KIAA1549: variants seen among roughly 807,000 people sequenced by gnomAD.
The protein encoded by KIAA1549 is KIAA1549, also known as UPF0606 protein KIAA1549.
Under a neutral mutation model 156.4 loss-of-function variants are expected in KIAA1549, and 70 were observed. The ratio of observed to expected loss-of-function variants is 0.45; its 90% confidence interval spans 0.37 to 0.55. The LOEUF is 0.55. Ranked by LOEUF, KIAA1549 falls within the 20% of genes least tolerant of loss-of-function variation. The pLI is 0.00. For synonymous variants in KIAA1549, 1,103 were observed against 1,066.4 expected, an observed-to-expected ratio of 1.03 and a Z score of -0.67; for missense variants, 2,428 against 2,540.9, an observed-to-expected ratio of 0.96 and a Z score of 0.96.
chr7:138,883,406 G>A (rs952540394), intron 10 of KIAA1549, among the ~76,000 whole-genome samples: 7 of 149,584 alleles, frequency 4.7e-5, no homozygotes, highest in South Asian at 4.3e-4. Context: ...TCTGCCTCCC[G>A]GGTTCAAGTG....
intron 19 of KIAA1549, among the ~76,000 whole-genome samples, chr7:138,839,000 A>G (rs569215172): frequency 6.6e-6 from 1 of 152,260 alleles, no homozygotes; most frequent in Non-Finnish European, 1.5e-5. Flanking sequence ...CCTTGCCTCC[A>G]TTTTTTCAAA....
chr7:138,878,052 A>C (rs1811136125), intron 12 of KIAA1549, among the ~76,000 whole-genome samples: 1 of 152,242 alleles, frequency 6.6e-6, no homozygotes. Flanking sequence ...TGTCTATCTG[A>C]AACAGTATCG....
At chr7:138,957,756 A>T (rs1813710927) in intron 1 of KIAA1549, among the ~76,000 whole-genome samples, 1 of 151,992 alleles carries the variant, frequency 6.6e-6, no homozygotes, top group African/African-American at 2.4e-5. Flanking sequence ...GAGATTACAG[A>T]CATGAGACAC....
rs1409039870 is a variant in KIAA1549 at position 138,916,874 on chromosome 7, G to C, written c.2752C>G (p.Leu918Val). ...SPPESSAAPPLPSLRPVTAFT... is the reference protein window; with the variant it reads ...SPPESSAAPPVPSLRPVTAFT... The stretch of plus-strand genomic sequence containing the variant: ...GCAGTCACGGGACGCAGGGATGGCA[G>C]GGGAGGAGCAGCACTACTCTCTGGG... Residue 918 changes from leucine to valine, a missense_variant, in exon 2 of 20, where the codon CTG (leucine) becomes GTG (valine). Leu to Val is a conservative substitution (Grantham distance 32). Transcript: ENST00000422774. 6.2e-7 allele frequency: 1 copy of C among 1,613,898 alleles called. No homozygotes were observed. The highest frequency in any genetic ancestry group is 2.2e-5 in the East Asian group (1 of 44,880).
At chr7:138,929,176 C>T (rs1194135832) in intron 1 of KIAA1549, among the ~76,000 whole-genome samples, 1 of 152,224 alleles carries the variant, frequency 6.6e-6, no homozygotes, top group Non-Finnish European at 1.5e-5. Flanking sequence ...ATTTGGCCCA[C>T]AGTAGAACTT....
At position 138,835,291 on chromosome 7, in the gene KIAA1549, G is replaced by A. The variant is rs970717642; in HGVS notation, c.*2615C>T. The A allele has an allele frequency of 1.3e-4, 29 of 215,306 alleles. No homozygotes were observed. The highest frequency in any genetic ancestry group is 6.3e-4 in the African/African-American group (28 of 44,306). 13.3% of individuals were successfully genotyped at this position (215,306 alleles called of 1,614,324 possible). A position where few individuals can be genotyped will look rare whatever the true frequency, so the allele number is the denominator to read the frequency against. On this transcript the variant is annotated 3_prime_UTR_variant, in exon 20 of 20. Coordinates refer to ENST00000422774, the MANE Select transcript of KIAA1549 (RefSeq NM_001164665.2). ...CAAGTACAAACTGTGTGTGCTTTAT[G>A]ACCACCAGCAGAGGGCTGGTGATCC...
At chr7:138,877,749 A>G (rs912341536) in intron 12 of KIAA1549, among the ~76,000 whole-genome samples, 1 of 152,198 alleles carries the variant, frequency 6.6e-6, no homozygotes, top group Admixed American at 6.5e-5. Context: ...GCAGCATCTG[A>G]GCTTCTAATA....
chr7:138,964,802 T>C (rs1813965853), intron 1 of KIAA1549, among the ~76,000 whole-genome samples: 1 of 152,230 alleles, frequency 6.6e-6, no homozygotes. Flanking sequence ...CTTCAGCCTT[T>C]CTAGAGAGCG....
At chr7:138,866,416 C>T (rs151030760) in intron 15 of KIAA1549, among the ~76,000 whole-genome samples, 1 of 152,288 alleles carries the variant, frequency 6.6e-6, no homozygotes, top group East Asian at 1.9e-4. Context: ...TAAGAAATGG[C>T]TGGTTGCATA....
intron 17 of KIAA1549, among the ~76,000 whole-genome samples, chr7:138,848,034 G>A (rs951668690): frequency 1.3e-5 from 2 of 152,178 alleles, no homozygotes; most frequent in South Asian, 2.1e-4. Context: ...ATTTTACATC[G>A]TTATTTTGAA....
rs762072316 is a variant in KIAA1549, at chr7:138,840,154, G to T, written c.5577C>A (p.Asp1859Glu). The T allele has an allele frequency of 1.2e-5, 18 of 1,553,142 alleles. No individual in the cohort carries two copies. Among genetic ancestry groups the T allele is most frequent in the African/African-American group, 2.7e-5 (2 of 73,076 alleles). Residue 1859 changes from aspartate (D) to glutamate (E), a missense_variant, in exon 19 of 20, where the codon GAC (aspartate) becomes GAA (glutamate). By Grantham distance (45) the Asp-to-Glu change is conservative. Coordinates refer to ENST00000422774, the MANE Select transcript of KIAA1549 (RefSeq NM_001164665.2). Reference protein sequence around the residue: ...GGPGWPSYGEDEAGRREATHM... With the variant: ...GGPGWPSYGEEEAGRREATHM... ...TCACGGCCTCTCTTCGCCCCGCTTC[G>T]TCCTCCCCGTACGAAGGCCAGCCTG...
Position 138,977,910 on chromosome 7 carries a change from G to A in KIAA1549, c.187+3173C>T, listed in dbSNP as rs537474938. Among the ~76,000 whole-genome samples the A allele has an allele frequency of 2.0e-4, 31 of 152,278 alleles. No individual in the cohort carries two copies. In the South Asian group the frequency reaches 6.2e-3, roughly 30 times the overall value. ...AGACGGGGTTTCACCATGTTGGCCA[G>A]GATGGTCTCAAACTCCTGACCTCAG... On this transcript the variant is annotated intron_variant, in intron 1 of 19. Transcript: ENST00000422774.
At chr7:138,946,408 T>C (rs1055234094) in intron 1 of KIAA1549, among the ~76,000 whole-genome samples, 1 of 152,182 alleles carries the variant, frequency 6.6e-6, no homozygotes, top group Non-Finnish European at 1.5e-5. Flanking sequence ...CGTGGTACAA[T>C]TACTCTTTCT....
At chr7:138,974,082 A>G (rs1814302212) in intron 1 of KIAA1549, among the ~76,000 whole-genome samples, 1 of 152,232 alleles carries the variant, frequency 6.6e-6, no homozygotes, top group African/African-American at 2.4e-5. Flanking sequence ...TTTACAGGTA[A>G]AGGATCTGAA....
chr7:138,910,279 C>T (rs1250769229), intron 4 of KIAA1549, among the ~76,000 whole-genome samples: 1 of 151,750 alleles, frequency 6.6e-6, no homozygotes, highest in South Asian at 2.1e-4. Flanking sequence ...AGCTCACACC[C>T]GTAATCCCAG....
intron 1 of KIAA1549, among the ~76,000 whole-genome samples, chr7:138,965,620 A>G (rs888702593): frequency 1.3e-5 from 2 of 152,192 alleles, no homozygotes; most frequent in Non-Finnish European, 2.9e-5. Flanking sequence ...CCTGACAACT[A>G]AAGATTCCGT....
rs1049558273 is a variant in KIAA1549 at position 138,832,760 on chromosome 7, T to C, written c.*5146A>G. ...AAGCCTACTGTCACACACACAAGCA[T>C]GGACTTAGCAATGTACCATGATGTT... On this transcript the variant is annotated 3_prime_UTR_variant, in exon 20 of 20. Coordinates refer to ENST00000422774, the MANE Select transcript of KIAA1549 (RefSeq NM_001164665.2). 4 of 221,680 alleles carry C rather than the reference T, an allele frequency of 1.8e-5. No individual in the cohort carries two copies. The highest frequency in any genetic ancestry group is 6.7e-5 in the African/African-American group (3 of 44,662). 13.7% of individuals were successfully genotyped at this position (221,680 alleles called of 1,614,324 possible).
At chr7:138,857,691 CTT>C (rs1367802157) in intron 16 of KIAA1549, among the ~76,000 whole-genome samples, 2 of 152,146 alleles carry the variant, frequency 1.3e-5, no homozygotes, top group East Asian at 3.9e-4. Context: ...ACACGTAAGA[CTT>C]TATGTCTTCC....
At chr7:138,978,844 A>G (rs1408233017) in intron 1 of KIAA1549, among the ~76,000 whole-genome samples, 1 of 152,146 alleles carries the variant, frequency 6.6e-6, no homozygotes, top group Admixed American at 6.5e-5. Flanking sequence ...AGCCCAAGCA[A>G]CTGCAACGCA....
Sources: allele counts gnomAD v4.1 joint callset (sites outside exome capture counted in the v4.1 genomes callset), GRCh38; gene constraint gnomAD v4.1.1; transcripts MANE v1.5; gene names NCBI Gene and HGNC (gene_info 2026-07-23, HGNC 2026-07-21).